CNTNAP4: variants seen among roughly 807,000 people sequenced by gnomAD.
CNTNAP4 encodes contactin associated protein family member 4, also known as contactin-associated protein-like 4.
CNTNAP4 carries 98 observed loss-of-function variants against 148.4 expected under a neutral mutation model. The observed-to-expected ratio is 0.66, with a 90% CI of 0.56 to 0.78. CNTNAP4 has a LOEUF of 0.78. Ranked by LOEUF, CNTNAP4 falls within the 30% of genes least tolerant of loss-of-function variation. The pLI is 0.00. For missense variants in CNTNAP4, 1,935 were observed against 1,565.6 expected (o/e 1.24, Z -3.98); for synonymous variants, 730 against 565.1 (o/e 1.29, Z -4.14).
intron 15 of CNTNAP4, among the ~76,000 whole-genome samples, chr16:76,499,436 C>T (rs2082536765): frequency 6.6e-6 from 1 of 151,928 alleles, no homozygotes; most frequent in South Asian, 2.1e-4. Flanking sequence ...TATCACTGCC[C>T]TCAATATGGC....
At chr16:76,378,835 C>G (rs558647976) in intron 3 of CNTNAP4, among the ~76,000 whole-genome samples, 1 of 152,272 alleles carries the variant, frequency 6.6e-6, no homozygotes, top group South Asian at 2.1e-4. Context: ...TAGGGTCGGC[C>G]AAGAGGAGGC....
chr16:76,534,310 C>T (rs1417061903), intron 17 of CNTNAP4, among the ~76,000 whole-genome samples: 1 of 152,114 alleles, frequency 6.6e-6, no homozygotes, highest in East Asian at 1.9e-4. Context: ...TGAATGAAGG[C>T]TAGGTTAAGG....
intron 2 of CNTNAP4, among the ~76,000 whole-genome samples, chr16:76,348,755 G>A (rs908863461): frequency 6.6e-6 from 1 of 151,826 alleles, no homozygotes; most frequent in Admixed American, 6.6e-5. Context: ...GTGGCAGGGA[G>A]TGAAAATCTG....
At chr16:76,354,349 G>T (rs2144489732) in intron 2 of CNTNAP4, among the ~76,000 whole-genome samples, 1 of 152,232 alleles carries the variant, frequency 6.6e-6, no homozygotes, top group African/African-American at 2.4e-5. Context: ...GTGTGTGTTG[G>T]ATCAAATATA....
At chr16:76,303,651 C>G (rs894577313) in intron 1 of CNTNAP4, among the ~76,000 whole-genome samples, 1 of 152,148 alleles carries the variant, frequency 6.6e-6, no homozygotes, top group African/African-American at 2.4e-5. Context: ...ATTCCTTTCT[C>G]TCTTTCTTAA....
intron 21 of CNTNAP4, among the ~76,000 whole-genome samples, chr16:76,552,916 A>T (rs922589269): frequency 4.6e-5 from 7 of 152,328 alleles, no homozygotes; most frequent in Admixed American, 1.3e-4. Flanking sequence ...TTTCAAATCC[A>T]GGATGTACCT....
At chr16:76,429,607 C>G (rs1319167644) in intron 4 of CNTNAP4, among the ~76,000 whole-genome samples, 1 of 152,076 alleles carries the variant, frequency 6.6e-6, no homozygotes, top group African/African-American at 2.4e-5. Context: ...TTTAGTGGGA[C>G]TGTTTATGCT....
At chr16:76,471,706 G>T (rs2081384063) in intron 10 of CNTNAP4, among the ~76,000 whole-genome samples, 1 of 152,130 alleles carries the variant, frequency 6.6e-6, no homozygotes, top group Non-Finnish European at 1.5e-5. Context: ...CACACACAGG[G>T]TTTATTCCAG....
chr16:76,303,834 T>C (rs1201224591), intron 1 of CNTNAP4, among the ~76,000 whole-genome samples: 1 of 152,196 alleles, frequency 6.6e-6, no homozygotes. Flanking sequence ...ACAGTTTTAC[T>C]TTCTTTTTAA....
rs770168350 is a variant in CNTNAP4, at chr16:76,448,156, A to G, written c.683A>G (p.Asn228Ser). Reference sequence around the variant, plus strand: ...ATTCTACTCCACAGGGAAGGGCCAAATGGAGATCACATCACACTGCAATTA... The same window carrying G: ...ATTCTACTCCACAGGGAAGGGCCAAGTGGAGATCACATCACACTGCAATTA... ...DGILLHREGP[N>S]GDHITLQLRR... The change falls in exon 5 of 24, where the codon AAT becomes AGT. Residue 228 changes from asparagine to serine, a missense_variant. Physicochemically the swap from Asn to Ser is conservative, Grantham distance 46 (BLOSUM62 1). Transcript: ENST00000611870. 27 of 1,613,542 alleles carry G rather than the reference A, an allele frequency of 1.7e-5. No individual in the cohort carries two copies. The highest frequency in any genetic ancestry group is 1.8e-5 in the Non-Finnish European group (21 of 1,179,616).
At chr16:76,460,096 T>C (rs903829224) in intron 8 of CNTNAP4, among the ~76,000 whole-genome samples, 2 of 152,122 alleles carry the variant, frequency 1.3e-5, no homozygotes, top group African/African-American at 4.8e-5. Context: ...CTTTTTATTT[T>C]TGTTTTTTTT....
chr16:76,393,982 T>C (rs926229889), intron 3 of CNTNAP4, among the ~76,000 whole-genome samples: 2 of 152,220 alleles, frequency 1.3e-5, no homozygotes, highest in East Asian at 3.9e-4. Context: ...TCTAATATTT[T>C]CCCTGCTGGT....
chr16:76,496,716 G>A (rs2082413508), intron 14 of CNTNAP4, among the ~76,000 whole-genome samples: 1 of 152,064 alleles, frequency 6.6e-6, no homozygotes, highest in Admixed American at 6.5e-5. Flanking sequence ...AATCTTTAAA[G>A]AATAACAAAA....
At chr16:76,453,855 T>C (rs2143274434) in intron 8 of CNTNAP4, among the ~76,000 whole-genome samples, 1 of 152,288 alleles carries the variant, frequency 6.6e-6, no homozygotes, top group South Asian at 2.1e-4. Flanking sequence ...GCTGTGACTT[T>C]TTATTTAGTG....
chr16:76,529,286 C>G (rs1023006199), intron 17 of CNTNAP4, among the ~76,000 whole-genome samples: 1 of 151,864 alleles, frequency 6.6e-6, no homozygotes, highest in Non-Finnish European at 1.5e-5. Flanking sequence ...TTAAAGAGTC[C>G]TATTCAGAAC....
At chr16:76,287,427 T>G (rs1260523428) in intron 1 of CNTNAP4, among the ~76,000 whole-genome samples, 1 of 152,228 alleles carries the variant, frequency 6.6e-6, no homozygotes, top group Non-Finnish European at 1.5e-5. Context: ...ATTGGTTTCT[T>G]GGAAGCTTTG....
At chr16:76,380,905 A>G (rs935881795) in intron 3 of CNTNAP4, among the ~76,000 whole-genome samples, 5 of 152,192 alleles carry the variant, frequency 3.3e-5, no homozygotes, top group African/African-American at 1.2e-4. Context: ...ATGACCTATC[A>G]TGAACTCATT....
intron 10 of CNTNAP4, among the ~76,000 whole-genome samples, chr16:76,468,349 C>T (rs2081250383): frequency 6.6e-6 from 1 of 152,056 alleles, no homozygotes; most frequent in East Asian, 2.0e-4. Flanking sequence ...TGGCGGATGC[C>T]TGTAATCCCA....
intron 3 of CNTNAP4, among the ~76,000 whole-genome samples, chr16:76,384,991 T>G (rs746645568): frequency 5.9e-5 from 9 of 152,182 alleles, no homozygotes. Context: ...GCAACATTTT[T>G]TGAAGGAAAA....
Sources: allele counts gnomAD v4.1 joint callset (sites outside exome capture counted in the v4.1 genomes callset), GRCh38; gene constraint gnomAD v4.1.1; transcripts MANE v1.5; gene names NCBI Gene and HGNC (gene_info 2026-07-23, HGNC 2026-07-21).